Variants in CDS2 observed in about 807,000 individuals in gnomAD.
CDS2 encodes the protein CDP-diacylglycerol synthase 2.
Under a neutral mutation model 59.0 loss-of-function variants are expected in CDS2, and 47 were observed. That is an observed-to-expected ratio of 0.80 (90% CI 0.63 to 1.02). CDS2 has a LOEUF of 1.02. Ranked by LOEUF, CDS2 falls within the 50% of genes least tolerant of loss-of-function variation. CDS2 has a pLI of 0.00. For missense variants in CDS2, 356 were observed against 558.9 expected (o/e 0.64, Z 3.66); for synonymous variants, 207 against 206.4 (o/e 1.00, Z -0.02).
rs73614271 is a variant in CDS2 at position 5,131,724 on chromosome 20, T to C, written c.57+4575T>C. Among the ~76,000 whole-genome samples the C allele has an allele frequency of 1.0e-3, 156 of 152,366 alleles. 2 individuals carry two copies. In the East Asian group the frequency reaches 0.028, roughly 27 times the overall value. On this transcript the variant is annotated intron_variant, in intron 1 of 12. Transcript: ENST00000460006. Reference sequence around the variant, plus strand: ...AGAGCAGGGGCTTGGGTCAGTTACATCTACCTTGAGCCTGGGCTCCGCCAC... The same window carrying C: ...AGAGCAGGGGCTTGGGTCAGTTACACCTACCTTGAGCCTGGGCTCCGCCAC...
Position 5,189,921 on chromosome 20 carries a change from A to G in CDS2, c.1205+83A>G, listed in dbSNP as rs2091100133. 4 of 1,371,736 alleles carry G rather than the reference A, an allele frequency of 2.9e-6. No individual in the cohort carries two copies. In the South Asian group the frequency reaches 5.1e-5, roughly 17 times the overall value. 85.0% of individuals were successfully genotyped at this position (1,371,736 alleles called of 1,614,324 possible). On this transcript the variant is annotated intron_variant, in intron 12 of 12. Transcript: ENST00000460006. Reference sequence around the variant, plus strand: ...AGAATTTTAGCGGCATCTAAGTTCCAGTGAAAAGCATCCCAAATAATGCAG... The same window carrying G: ...AGAATTTTAGCGGCATCTAAGTTCCGGTGAAAAGCATCCCAAATAATGCAG...
chr20:5,163,384 C>A (rs2090889442), intron 1 of CDS2, among the ~76,000 whole-genome samples: 1 of 152,212 alleles, frequency 6.6e-6, no homozygotes, highest in South Asian at 2.1e-4. Flanking sequence ...GCCTCAGCCT[C>A]CTGAGTATCT....
chr20:5,187,073 G>A (rs1297037412), intron 10 of CDS2: 1 of 428,164 alleles, frequency 2.3e-6, no homozygotes, highest in Non-Finnish European at 4.3e-6. Flanking sequence ...ATCCCTGGAG[G>A]GCCCTGGGAT....
intron 5 of CDS2, among the ~76,000 whole-genome samples, chr20:5,181,315 C>CT (rs2091031963): frequency 6.6e-6 from 1 of 152,000 alleles, no homozygotes; most frequent in Admixed American, 6.5e-5. Context: ...CCAATCAGTG[C>CT]TGCAGTCTAT....
At chr20:5,170,145 G>T (rs2090944760) in intron 1 of CDS2, among the ~76,000 whole-genome samples, 1 of 152,176 alleles carries the variant, frequency 6.6e-6, no homozygotes, top group Non-Finnish European at 1.5e-5. Flanking sequence ...GGAGGCCTGT[G>T]CTGTGTGTCA....
intron 1 of CDS2, among the ~76,000 whole-genome samples, chr20:5,148,994 CT>C (rs905351698): frequency 4.5e-4 from 68 of 151,532 alleles, no homozygotes; most frequent in African/African-American, 1.5e-3. Flanking sequence ...CTTCTAGGGA[CT>C]TTTTTTTTCT....
chr20:5,185,003 G>A, intron 8 of CDS2, 58 bp downstream of exon 8: 4 of 1,224,654 alleles, frequency 3.3e-6, no homozygotes, highest in Non-Finnish European at 3.6e-6. Flanking sequence ...TGCTCTCAAT[G>A]TGAGTAGATC....
intron 5 of CDS2, among the ~76,000 whole-genome samples, chr20:5,180,676 A>G (rs1439565336): frequency 6.6e-6 from 1 of 152,020 alleles, no homozygotes; most frequent in African/African-American, 2.4e-5. Flanking sequence ...GACTTAGAAT[A>G]CCTAACCGTC....
chr20:5,166,247 C>A (rs976590503), intron 1 of CDS2, among the ~76,000 whole-genome samples: 1 of 152,092 alleles, frequency 6.6e-6, no homozygotes, highest in Non-Finnish European at 1.5e-5. Flanking sequence ...GTAGCATGAA[C>A]AAGCTTGGTG....
rs549716093 is a variant in CDS2 at position 5,182,975 on chromosome 20, G to A, written c.589-86G>A. On this transcript the variant is annotated intron_variant, in intron 6 of 12. Transcript: ENST00000460006. Reference sequence around the variant, plus strand: ...AGATATTTTTCCTACCTGCTTCTCAGCAGTTTTCTATTTGGTATTGATTGT... The same window carrying A: ...AGATATTTTTCCTACCTGCTTCTCAACAGTTTTCTATTTGGTATTGATTGT... 2.8e-6 allele frequency: 3 copies of A among 1,065,452 alleles called. No individual in the cohort carries two copies. The East Asian group carries it at 7.3e-5, about 26-fold the overall frequency. 66.0% of individuals were successfully genotyped at this position (1,065,452 alleles called of 1,614,324 possible). A position where few individuals can be genotyped will look rare whatever the true frequency, so the allele number is the denominator to read the frequency against.
chr20:5,141,941 T>C (rs189322849), intron 1 of CDS2, among the ~76,000 whole-genome samples: 1 of 152,308 alleles, frequency 6.6e-6, no homozygotes, highest in East Asian at 1.9e-4. Flanking sequence ...TTTACCACTT[T>C]CACACACTAC....
Position 5,164,166 on chromosome 20 carries a change from C to T in CDS2, c.58-9357C>T, listed in dbSNP as rs138690035. ...AATTCCATGTTCTTCAAGGGAGAAA[C>T]ATACTAGTTTCTCCCTTGAATAGTT... On this transcript the variant is annotated intron_variant, in intron 1 of 12. Transcript: ENST00000460006. 2.2e-4 allele frequency among the ~76,000 whole-genome samples: 34 copies of T among 152,188 alleles called. 1 individual carries two copies. The East Asian group carries it at 4.4e-3, about 20-fold the overall frequency.
chr20:5,190,201 A>T lies in CDS2; in HGVS notation c.1305A>T (p.Lys435Asn). The T allele has an allele frequency of 6.2e-7, 1 of 1,614,116 alleles. No homozygotes were observed. Among genetic ancestry groups the T allele is most frequent in the Middle Eastern group, 1.6e-4 (1 of 6,062 alleles). Residue 435 changes from lysine to asparagine, a missense_variant, in exon 13 of 13, where the codon AAA (lysine) becomes AAT (asparagine). Coordinates refer to ENST00000460006, the MANE Select transcript of CDS2 (RefSeq NM_003818.4). The part of the protein sequence containing the change: ...FNTLRSHLID[K>N]GMLTSTTEDE ...CGCTGCGGTCTCATCTGATCGACAA[A>T]GGGATGCTGACATCCACCACAGAGG...
chr20:5,154,118 G>A (rs1043679229), intron 1 of CDS2, among the ~76,000 whole-genome samples: 1 of 152,138 alleles, frequency 6.6e-6, no homozygotes, highest in African/African-American at 2.4e-5. Flanking sequence ...ATACCTATGT[G>A]GAGGGCCTGA....
chr20:5,147,288 T>G (rs1363105628), intron 1 of CDS2, among the ~76,000 whole-genome samples: 1 of 152,150 alleles, frequency 6.6e-6, no homozygotes, highest in African/African-American at 2.4e-5. Context: ...GGAGAGTAGA[T>G]GAGACCAGTT....
In CDS2 at chr20:5,192,556, T is replaced by A. The variant is rs986715253; in HGVS notation, c.*2322T>A. 6.6e-6 allele frequency: 1 copy of A among 152,260 alleles called. No individual in the cohort carries two copies. Among genetic ancestry groups the A allele is most frequent in the Non-Finnish European group, 1.5e-5 (1 of 68,062 alleles). The allele number at this position is 152,260 out of a possible 1,614,324, so 9.4% of individuals were successfully genotyped here. Reference sequence around the variant, plus strand: ...TTCTCTTTCCTATTCACAGACAAGATTCAAGAAACCATTTTTACGTGTGTA... The same window carrying A: ...TTCTCTTTCCTATTCACAGACAAGAATCAAGAAACCATTTTTACGTGTGTA... On this transcript the variant is annotated 3_prime_UTR_variant, in exon 13 of 13. Coordinates refer to ENST00000460006, the MANE Select transcript of CDS2 (RefSeq NM_003818.4).
At chr20:5,133,744 C>G (rs1021138958) in intron 1 of CDS2, among the ~76,000 whole-genome samples, 1 of 152,108 alleles carries the variant, frequency 6.6e-6, no homozygotes, top group African/African-American at 2.4e-5. Flanking sequence ...AGGCTGGTCT[C>G]GAACTCCTGA....
intron 1 of CDS2, among the ~76,000 whole-genome samples, chr20:5,167,028 G>A (rs979576609): frequency 2.0e-5 from 3 of 152,186 alleles, no homozygotes; most frequent in African/African-American, 7.2e-5. Context: ...GGGCAATGGA[G>A]TGAGTCTCTA....
Position 5,175,196 on chromosome 20 carries a change from T to TGG in CDS2, c.210_211dup (p.Val71GlyfsTer2), listed in dbSNP as rs1568540793. On this transcript the variant is annotated frameshift_variant, in exon 3 of 13. Coordinates refer to ENST00000460006, the MANE Select transcript of CDS2 (RefSeq NM_003818.4). LOFTEE classifies it high-confidence loss of function. Reference sequence around the variant, plus strand: ...TCTCTGACCTAGATGGAAGAACTGGTGGGTGAGAGGCATCCTGACTTTGGC... The same window carrying TGG: ...TCTCTGACCTAGATGGAAGAACTGGTGGGGGTGAGAGGCATCCTGACTTTGGC... 6.2e-7 allele frequency: 1 copy of TGG among 1,613,850 alleles called. No individual in the cohort carries two copies. Among genetic ancestry groups the TGG allele is most frequent in the Non-Finnish European group, 8.5e-7 (1 of 1,179,716 alleles).
Sources: gnomAD v4.1 joint callset for allele counts (sites outside exome capture counted in the v4.1 genomes callset) on GRCh38, gnomAD v4.1.1 for gene constraint, MANE v1.5 for transcripts, NCBI Gene and HGNC (gene_info 2026-07-23, HGNC 2026-07-21) for gene names.